CNOT6: variants seen among roughly 807,000 people sequenced by gnomAD.
The protein encoded by CNOT6 is CCR4-NOT transcription complex subunit 6.
In CNOT6, 12 loss-of-function variants were observed where a neutral mutation model predicts 61.2. The ratio of observed to expected loss-of-function variants is 0.20; its 90% confidence interval spans 0.13 to 0.32. CNOT6 has a LOEUF of 0.32. Ranked by LOEUF, CNOT6 falls within the 10% of genes least tolerant of loss-of-function variation. CNOT6 has a pLI of 1.00. For synonymous variants in CNOT6, 225 were observed against 240.6 expected (o/e 0.94, Z 0.60); for missense variants, 405 against 663.9 (o/e 0.61, Z 4.28).
intron 9 of CNOT6, among the ~76,000 whole-genome samples, chr5:180,568,792 G>A (rs891212344): frequency 9.2e-5 from 14 of 152,270 alleles, no homozygotes; most frequent in African/African-American, 3.1e-4. Context: ...GGGTTTAGAT[G>A]TAATTTTGTG....
chr5:180,559,655 C>A (rs548888936), intron 4 of CNOT6, among the ~76,000 whole-genome samples: 72 of 152,002 alleles, frequency 4.7e-4, no homozygotes, highest in African/African-American at 1.7e-3. Context: ...TTTTCTGTTT[C>A]TTCATCTTTT....
chr5:180,523,759 A>T (rs1029111764), intron 1 of CNOT6, among the ~76,000 whole-genome samples: 1 of 152,162 alleles, frequency 6.6e-6, no homozygotes, highest in Non-Finnish European at 1.5e-5. Flanking sequence ...AGTGTGAAGT[A>T]GACTGGATTC....
intron 1 of CNOT6, among the ~76,000 whole-genome samples, chr5:180,498,078 CAT>C (rs1374547408): frequency 6.6e-6 from 1 of 151,000 alleles, no homozygotes; most frequent in East Asian, 1.9e-4. Flanking sequence ...AAACTGTAAA[CAT>C]ATACTGTATG....
intron 2 of CNOT6, among the ~76,000 whole-genome samples, chr5:180,538,860 T>C (rs1049427941): frequency 1.3e-4 from 20 of 151,386 alleles, no homozygotes; most frequent in African/African-American, 4.8e-4. Context: ...GCCTGGGTGA[T>C]AGAGTGAGAC....
At chr5:180,572,616 G>A (rs947429911) in intron 11 of CNOT6, among the ~76,000 whole-genome samples, 4 of 152,118 alleles carry the variant, frequency 2.6e-5, no homozygotes, top group Admixed American at 2.6e-4. Context: ...GTGATGTGAT[G>A]ATAACACACT....
intron 1 of CNOT6, among the ~76,000 whole-genome samples, chr5:180,517,515 A>G (rs905518462): frequency 2.6e-5 from 4 of 152,006 alleles, no homozygotes; most frequent in South Asian, 2.1e-4. Context: ...TTTATTAGCT[A>G]TCATTGTTTT....
At chr5:180,556,911 G>A (rs1324059085) in intron 4 of CNOT6, among the ~76,000 whole-genome samples, 7 of 151,662 alleles carry the variant, frequency 4.6e-5, no homozygotes, top group Admixed American at 1.3e-4. Flanking sequence ...AGCCGAGATC[G>A]TGCCACTGCA....
chr5:180,525,050 C>G (rs1581498646), intron 1 of CNOT6, among the ~76,000 whole-genome samples: 2 of 150,094 alleles, frequency 1.3e-5, no homozygotes, highest in East Asian at 2.1e-4. Context: ...AGAAGGAGCA[C>G]TTCTTTGTGT....
intron 2 of CNOT6, among the ~76,000 whole-genome samples, chr5:180,532,579 T>G (rs1406345685): frequency 6.6e-6 from 1 of 152,150 alleles, no homozygotes; most frequent in Non-Finnish European, 1.5e-5. Flanking sequence ...AGGTGTGGGT[T>G]TCTTTTCCCC....
At chr5:180,524,949 T>C (rs1246820169) in intron 1 of CNOT6, among the ~76,000 whole-genome samples, 1 of 152,214 alleles carries the variant, frequency 6.6e-6, no homozygotes, top group Non-Finnish European at 1.5e-5. Context: ...TCTGGTAGCA[T>C]AGAACAGAGC....
chr5:180,542,186 C>T (rs983238328), intron 2 of CNOT6, among the ~76,000 whole-genome samples: 10 of 151,490 alleles, frequency 6.6e-5, no homozygotes, highest in Non-Finnish European at 1.3e-4. Flanking sequence ...TTCTTTTGTT[C>T]TTTTATTTCT....
intron 4 of CNOT6, among the ~76,000 whole-genome samples, chr5:180,557,832 T>C (rs1002418120): frequency 2.6e-5 from 4 of 152,220 alleles, no homozygotes; most frequent in South Asian, 4.1e-4. Flanking sequence ...TATGGTCTTA[T>C]GTTACATTTA....
At chr5:180,519,728 G>C (rs1757797428) in intron 1 of CNOT6, among the ~76,000 whole-genome samples, 1 of 149,988 alleles carries the variant, frequency 6.7e-6, no homozygotes, top group Admixed American at 6.6e-5. Context: ...TTTAATGTTT[G>C]AGATTCATTC....
intron 9 of CNOT6, among the ~76,000 whole-genome samples, chr5:180,568,238 T>C (rs1561666117): frequency 1.3e-5 from 2 of 151,980 alleles, no homozygotes; most frequent in African/African-American, 4.8e-5. Flanking sequence ...ACCTTTTTTT[T>C]TTTTTTTGCT....
At chr5:180,506,783 CT>C (rs948373660) in intron 1 of CNOT6, among the ~76,000 whole-genome samples, 1 of 152,128 alleles carries the variant, frequency 6.6e-6, no homozygotes, top group Non-Finnish European at 1.5e-5. Flanking sequence ...GCTTTTAAGG[CT>C]TCTTTTGCAC....
chr5:180,531,484 G>A (rs1178194763), intron 2 of CNOT6, among the ~76,000 whole-genome samples: 3 of 149,456 alleles, frequency 2.0e-5, no homozygotes, highest in African/African-American at 5.0e-5. Context: ...GGGAAGAGAC[G>A]CTCCTCACTT....
intron 1 of CNOT6, among the ~76,000 whole-genome samples, chr5:180,517,850 C>T (rs980847388): frequency 2.0e-5 from 3 of 152,194 alleles, no homozygotes; most frequent in Non-Finnish European, 4.4e-5. Context: ...CCGAGTAGAC[C>T]TTTTCTTAAA....
intron 2 of CNOT6, among the ~76,000 whole-genome samples, chr5:180,544,970 C>A (rs1351117652): frequency 1.3e-5 from 2 of 152,152 alleles, no homozygotes; most frequent in African/African-American, 4.8e-5. Flanking sequence ...CTCAAAAAAA[C>A]AACAAATTGT....
intron 10 of CNOT6, among the ~76,000 whole-genome samples, chr5:180,570,701 A>G (rs116225164): frequency 0.01 from 1,534 of 152,370 alleles, 25 homozygotes; most frequent in African/African-American, 0.035. Context: ...GTATATTTTC[A>G]TAGCCCATCT....
Sources: gnomAD v4.1 joint callset for allele counts (sites outside exome capture counted in the v4.1 genomes callset) on GRCh38, gnomAD v4.1.1 for gene constraint, MANE v1.5 for transcripts, NCBI Gene and HGNC (gene_info 2026-07-23, HGNC 2026-07-21) for gene names.